The following PRRC2A variants were observed in gnomAD, a reference collection of about 807,000 sequenced individuals.
The protein encoded by PRRC2A is proline rich coiled-coil 2A.
Under a neutral mutation model 224.6 loss-of-function variants are expected in PRRC2A, and 59 were observed. The observed-to-expected ratio is 0.26, with a 90% confidence interval of 0.21 to 0.33. PRRC2A has a LOEUF of 0.33. PRRC2A is among the 10% of genes least tolerant of loss of function. PRRC2A has a pLI of 1.00. For synonymous variants in PRRC2A, 1,194 were observed against 1,109.5 expected, an observed-to-expected ratio of 1.08 and a Z score of -1.51; for missense variants, 3,095 against 2,880.7, an observed-to-expected ratio of 1.07 and a Z score of -1.70.
chr6:31,621,823 CT>C (rs1775325780), intron 1 of PRRC2A, among the ~76,000 whole-genome samples: 1 of 152,200 alleles, frequency 6.6e-6, no homozygotes, highest in Non-Finnish European at 1.5e-5. Context: ...TGTCGTCCGG[CT>C]TGCTTAGGGA....
rs776672321 is a variant in PRRC2A at position 31,631,610 on chromosome 6, A to G, written c.2937A>G (p.Pro979=). ...LEQGDETPKP[P]KPDPLKITKG... ...AGGGGGATGAAACCCCCAAACCCCC[A>G]AAGCCAGACCCACTCAAGATAACCA... The change falls in exon 16 of 31, where the codon CCA becomes CCG. Residue 979 remains proline (P), a synonymous_variant. Coordinates refer to ENST00000376033, the MANE Select transcript of PRRC2A (RefSeq NM_004638.4). This position sits in a 1 kb window ranked among gnomAD's most constrained non-coding sequence, Gnocchi z 4.5. 3 of 1,539,008 alleles carry G rather than the reference A, an allele frequency of 1.9e-6. No homozygotes were observed. Among genetic ancestry groups the G allele is most frequent in the Non-Finnish European group, 2.6e-6 (3 of 1,147,854 alleles).
Position 31,636,030 on chromosome 6 carries a change from C to T in PRRC2A, c.5605C>T (p.Pro1869Ser). The change falls in exon 25 of 31, where the codon CCC becomes TCC. Residue 1869 changes from proline to serine, a missense_variant. Physicochemically the swap from Pro to Ser is moderately conservative, Grantham distance 74 (BLOSUM62 -1). Coordinates refer to ENST00000376033, the MANE Select transcript of PRRC2A (RefSeq NM_004638.4). This position sits in a 1 kb window ranked among gnomAD's most constrained non-coding sequence, Gnocchi z 4.3. Reference protein sequence around the residue: ...PNSGGFRPGTPSLHPYRSQPL... With the variant: ...PNSGGFRPGTSSLHPYRSQPL... ...CAGTGGAGGCTTCCGCCCTGGGACA[C>T]CCTCACTGCACCCTTACAGGTAAGA... 6.2e-7 allele frequency: 1 copy of T among 1,612,784 alleles called. No homozygotes were observed. Among genetic ancestry groups the T allele is most frequent in the East Asian group, 2.2e-5 (1 of 44,872 alleles).
chr6:31,625,582 C>T lies in PRRC2A; in HGVS notation c.730C>T (p.Pro244Ser). The change falls in exon 7 of 31, where the codon CCT (proline) becomes TCT (serine). Residue 244 changes from proline to serine, a missense_variant. Pro to Ser is a moderately conservative substitution (Grantham distance 74). This residue lies in a region of PRRC2A where 287 missense variants were observed against 275.3 expected (regional missense o/e 1.04). Coordinates refer to ENST00000376033, the MANE Select transcript of PRRC2A (RefSeq NM_004638.4). This position sits in a 1 kb window ranked among gnomAD's most constrained non-coding sequence, Gnocchi z 4.1. ...ACAGCCTTCAGGCCCACCCCAGTTC[C>T]CTCCCTACCGCGGAATGATGCCGCC... is the stretch of plus-strand genomic sequence containing the variant. ...GLQPSGPPQFPPYRGMMPPFM... is the reference protein window; with the variant it reads ...GLQPSGPPQFSPYRGMMPPFM... The T allele has an allele frequency of 6.4e-7, 1 of 1,570,392 alleles. No homozygotes were observed. The highest frequency in any genetic ancestry group is 8.6e-7 in the Non-Finnish European group (1 of 1,156,742).
chr6:31,633,818 G>A, intron 17 of PRRC2A, 41 bp from the exon 18 acceptor site: 1 of 1,555,562 alleles, frequency 6.4e-7, no homozygotes, highest in South Asian at 1.2e-5. Flanking sequence ...TAGGGTCAGT[G>A]GCAGAGCCAG....
At position 31,627,395 on chromosome 6, in the gene PRRC2A, A is replaced by T. The variant is rs1445359481; in HGVS notation, c.1290+197A>T. Among the ~76,000 whole-genome samples the T allele has an allele frequency of 6.6e-6, 1 of 152,194 alleles. No individual in the cohort carries two copies. The highest frequency in any genetic ancestry group is 1.5e-5 in the Non-Finnish European group (1 of 68,036). On this transcript the variant is annotated intron_variant, in intron 11 of 30. Transcript: ENST00000376033. The surrounding 1 kb of genome is among the most constrained non-coding windows in gnomAD (Gnocchi z 5.6). ...TCTGGGTAAGAAGTGAGAAACTGGG[A>T]TGCTAATGAGGAAAGAAGAAAAAGG...
In PRRC2A at chr6:31,627,908, G is replaced by A. The variant is rs1776092568; in HGVS notation, c.1434G>A (p.Met478Ile). The A allele has an allele frequency of 5.0e-6, 8 of 1,613,036 alleles. No homozygotes were observed. The highest frequency in any genetic ancestry group is 6.8e-6 in the Non-Finnish European group (8 of 1,180,034). The change falls in exon 12 of 31, where the codon ATG becomes ATA. Residue 478 changes from methionine (M) to isoleucine (I), a missense_variant. Around this residue, in one of 8 missense-constraint regions of PRRC2A, gnomAD observed 2,001 missense variants for 1,764.9 expected, o/e 1.13. Transcript: ENST00000376033. The surrounding 1 kb of genome is among the most constrained non-coding windows in gnomAD (Gnocchi z 5.6). ...RRRREEEERR[M>I]QEERRAACAE... is the part of the protein sequence containing the mutation. ...GGCGAGAAGAAGAGGAGCGGCGCAT[G>A]CAAGAAGAGCGCCGGGCAGCCTGTG...
chr6:31,637,224 C>G lies in PRRC2A; in HGVS notation c.6243-10C>G, dbSNP rs780727169. On this transcript the variant is annotated splice_polypyrimidine_tract_variant and intron_variant, in intron 29 of 30. Coordinates refer to ENST00000376033, the MANE Select transcript of PRRC2A (RefSeq NM_004638.4). ...TCCTAGGCTTGCCTTAGACGCCCTTCTTCCCTTAGGTCCTTCTCTGGCCTC... is the reference window on the plus strand; with the variant it reads ...TCCTAGGCTTGCCTTAGACGCCCTTGTTCCCTTAGGTCCTTCTCTGGCCTC... 1 of 1,609,382 alleles carries G rather than the reference C, an allele frequency of 6.2e-7. No homozygotes were observed. Among genetic ancestry groups the G allele is most frequent in the Non-Finnish European group, 8.5e-7 (1 of 1,176,676 alleles).
rs1776732816 is a variant in PRRC2A, at chr6:31,632,372, C to G, written c.3699C>G (p.Gly1233=). ...RGGSNGGSNV[G]MEDGERPRRR... is the part of the protein sequence containing the mutation. ...GCAGCAATGGAGGTAGCAATGTGGGCATGGAAGATGGGGAGCGACCCCGAA... is the reference window on the plus strand; with the variant it reads ...GCAGCAATGGAGGTAGCAATGTGGGGATGGAAGATGGGGAGCGACCCCGAA... Residue 1233 remains glycine (G), a synonymous_variant, in exon 16 of 31, where the codon GGC becomes GGG. Coordinates refer to ENST00000376033, the MANE Select transcript of PRRC2A (RefSeq NM_004638.4). 6.2e-7 allele frequency: 1 copy of G among 1,612,618 alleles called. No homozygotes were observed. Among genetic ancestry groups the G allele is most frequent in the Admixed American group, 1.7e-5 (1 of 59,940 alleles).
rs35201773 is a variant in PRRC2A at position 31,635,268 on chromosome 6, A to G, written c.5297A>G (p.Asp1766Gly). Residue 1766 changes from aspartate to glycine, a missense_variant, in exon 22 of 31, where the codon GAC becomes GGC. By Grantham distance (94) the Asp-to-Gly change is moderately conservative. Coordinates refer to ENST00000376033, the MANE Select transcript of PRRC2A (RefSeq NM_004638.4). ...CCCCCAGTCCAGTTTGGCACTAGTG[A>G]CAAGGTCTGTGTGGGCTGGATCTGG... ...PGPPVQFGTS[D>G]KDSDLRLVVG... The G allele has an allele frequency of 0.014, 22,967 of 1,614,046 alleles. 378 individuals carry two copies. Among genetic ancestry groups the G allele is most frequent in the Admixed American group, 0.036 (2,178 of 59,988 alleles).
In PRRC2A at chr6:31,636,960, C is replaced by T. The variant is rs1468650411; in HGVS notation, c.6147+15C>T. The T allele has an allele frequency of 5.0e-6, 8 of 1,609,576 alleles. No homozygotes were observed. Among genetic ancestry groups the T allele is most frequent in the Non-Finnish European group, 5.9e-6 (7 of 1,177,494 alleles). ...GGCGAGCAGAGGTAAGGTACAGGAA[C>T]TGAGGGGCTAGGGAGCGCCAAGACT... On this transcript the variant is annotated intron_variant, in intron 28 of 30. Coordinates refer to ENST00000376033, the MANE Select transcript of PRRC2A (RefSeq NM_004638.4). The surrounding 1 kb of genome is among the most constrained non-coding windows in gnomAD (Gnocchi z 4.3).
Position 31,631,296 on chromosome 6 carries a change from A to G in PRRC2A, c.2623A>G (p.Lys875Glu), listed in dbSNP as rs772624057. The part of the protein sequence containing the change: ...PWPPGSDEVA[K>E]IQTPPPKKEP... ...GCCCCCAGGCAGTGATGAAGTGGCC[A>G]AGATACAAACTCCACCACCCAAGAA... The change falls in exon 16 of 31, where the codon AAG becomes GAG. Residue 875 changes from lysine (K) to glutamate (E), a missense_variant. Lys to Glu is a moderately conservative substitution (Grantham distance 56). Coordinates refer to ENST00000376033, the MANE Select transcript of PRRC2A (RefSeq NM_004638.4). The surrounding 1 kb of genome is among the most constrained non-coding windows in gnomAD (Gnocchi z 4.5). 4.3e-6 allele frequency: 7 copies of G among 1,611,770 alleles called. No homozygotes were observed. Among genetic ancestry groups the G allele is most frequent in the Admixed American group, 1.7e-5 (1 of 59,646 alleles).
At chr6:31,623,710 C>T (rs757364053) in intron 2 of PRRC2A, 22 bp from the exon 3 acceptor site, 7 of 1,611,946 alleles carry the variant, frequency 4.3e-6, no homozygotes, top group African/African-American at 1.3e-5. Context: ...ATTTTCGACC[C>T]TCTCTCCGTC....
chr6:31,635,090 C>T (rs1188967696), intron 21 of PRRC2A, 42 bp from the exon 22 acceptor site: 4 of 1,603,238 alleles, frequency 2.5e-6, no homozygotes, highest in Non-Finnish European at 3.4e-6. Flanking sequence ...TTTGGATTTC[C>T]CTTTCCCTCC....
chr6:31,635,136 T>G lies in PRRC2A; in HGVS notation c.5165T>G (p.Leu1722Arg). 1 of 1,614,014 alleles carries G rather than the reference T, an allele frequency of 6.2e-7. No homozygotes were observed. Among genetic ancestry groups the G allele is most frequent in the Middle Eastern group, 1.7e-4 (1 of 6,056 alleles). Residue 1722 changes from leucine to arginine, a missense_variant, in exon 22 of 31, where the codon CTG (leucine) becomes CGG (arginine). Transcript: ENST00000376033. The part of the protein sequence containing the change: ...PAPHDGDRKE[L>R]PREQPLPPGP... Reference sequence around the variant, plus strand: ...TTTACTGTGTGCCCAATCCAGGAGCTGCCCCGGGAGCAGCCTCTGCCCCCT... The same window carrying G: ...TTTACTGTGTGCCCAATCCAGGAGCGGCCCCGGGAGCAGCCTCTGCCCCCT...
rs1428915884 is a variant in PRRC2A at position 31,627,471 on chromosome 6, A to T, written c.1290+273A>T. ...GGAGAGAGGGAACAGAAAAATAAAA[A>T]GACTAGGGTGGCTAGATAGCTGGAT... is the stretch of plus-strand genomic sequence containing the variant. On this transcript the variant is annotated intron_variant, in intron 11 of 30. Transcript: ENST00000376033. This position sits in a 1 kb window ranked among gnomAD's most constrained non-coding sequence, Gnocchi z 5.6. Among the ~76,000 whole-genome samples, 1 of 152,178 alleles carries T rather than the reference A, an allele frequency of 6.6e-6. No homozygotes were observed. The highest frequency in any genetic ancestry group is 1.5e-5 in the Non-Finnish European group (1 of 68,028).
intron 2 of PRRC2A, chr6:31,623,259 A>ATTT (rs3993756): frequency 0.028 from 8,948 of 321,758 alleles, 402 homozygotes; most frequent in African/African-American, 0.086. Flanking sequence ...GATTTCATAG[A>ATTT]TTTTTTTTTT....
At chr6:31,635,781 C>T in intron 24 of PRRC2A, 32 bp downstream of exon 24, 2 of 1,548,870 alleles carry the variant, frequency 1.3e-6, no homozygotes, top group Non-Finnish European at 1.7e-6. Flanking sequence ...ATGACCCCTT[C>T]AGTGAATAAT....
Position 31,625,827 on chromosome 6 carries a change from T to C in PRRC2A, c.795T>C (p.Tyr265=). Residue 265 remains tyrosine, a synonymous_variant, in exon 8 of 31, where the codon TAT becomes TAC. Transcript: ENST00000376033. This position sits in a 1 kb window ranked among gnomAD's most constrained non-coding sequence, Gnocchi z 4.1. ...YPPYLPFPPP[Y]GPQGPYRYPT... is the part of the protein sequence containing the mutation. ...CATATCTCCCGTTCCCTCCGCCCTA[T>C]GGACCCCAGGGGCCTTACCGATACC... 1 of 1,589,958 alleles carries C rather than the reference T, an allele frequency of 6.3e-7. No homozygotes were observed. The highest frequency in any genetic ancestry group is 1.3e-5 in the African/African-American group (1 of 74,482).
At chr6:31,626,680 A>C in intron 9 of PRRC2A, 92 bp from the exon 10 acceptor site, 1 of 1,118,028 alleles carries the variant, frequency 8.9e-7, no homozygotes, top group Non-Finnish European at 1.3e-6. Context: ...GGATATTGGC[A>C]TTGGTAGTCC....
Sources: gnomAD v4.1 joint callset for allele counts (sites outside exome capture counted in the v4.1 genomes callset) on GRCh38, gnomAD v4.1.1 for gene constraint, gnomAD v4.1.1 regional missense constraint, Gnocchi (gnomAD v3.1) non-coding constraint, MANE v1.5 for transcripts, NCBI Gene and HGNC (gene_info 2026-07-23, HGNC 2026-07-21) for gene names.